Variants in PTPRN2 observed in about 807,000 individuals in gnomAD.
The protein encoded by PTPRN2 is protein tyrosine phosphatase receptor type N2, also known as receptor-type tyrosine-protein phosphatase N2.
A neutral mutation model predicts 118.8 loss-of-function variants in PTPRN2; 74 were observed. The ratio of observed to expected loss-of-function variants is 0.62; its 90% CI spans 0.52 to 0.76. PTPRN2 has a LOEUF of 0.76. PTPRN2 is among the 30% of genes least tolerant of loss of function. The pLI, the probability that PTPRN2 is intolerant of heterozygous loss-of-function variation, is 0.00. For missense variants in PTPRN2, 1,481 were observed against 1,394.4 expected (o/e 1.06, Z -0.99); for synonymous variants, 641 against 608.0 (o/e 1.05, Z -0.80).
intron 1 of PTPRN2, among the ~76,000 whole-genome samples, chr7:158,550,711 C>G (rs761191414): frequency 6.6e-6 from 1 of 152,198 alleles, no homozygotes; most frequent in Non-Finnish European, 1.5e-5. Context: ...GTTTTCTTTT[C>G]AATGTCTAAT....
chr7:157,872,845 G>C (rs1475705234), intron 12 of PTPRN2, among the ~76,000 whole-genome samples: 1 of 152,222 alleles, frequency 6.6e-6, no homozygotes, highest in African/African-American at 2.4e-5. Context: ...GGTGCTTTCT[G>C]TGTGGGCCCT....
chr7:158,395,293 AGGGGTGAGG>A (rs1812275484), intron 2 of PTPRN2, among the ~76,000 whole-genome samples: 2 of 50,678 alleles, frequency 3.9e-5, no homozygotes, highest in African/African-American at 7.5e-5. Context: ...GTGAGGGGTG[AGGGGTGAGG>A]GGCGAGGGGT....
chr7:157,609,982 G>A lies in PTPRN2; in HGVS notation c.2345-5907C>T, dbSNP rs895211175. On this transcript the variant is annotated intron_variant, in intron 15 of 22. Coordinates refer to ENST00000389418, the MANE Select transcript of PTPRN2 (RefSeq NM_002847.5). This position sits in a 1 kb window ranked among gnomAD's most constrained non-coding sequence, Gnocchi z 4.9. ...CATTAATCATGATCTAGAACCTCCC[G>A]TGCCCACCCCACTGCATCTGAGGAA... Among the ~76,000 whole-genome samples, 2 of 152,112 alleles carry A rather than the reference G, an allele frequency of 1.3e-5. No individual in the cohort carries two copies. The highest frequency in any genetic ancestry group is 1.5e-5 in the Non-Finnish European group (1 of 68,036).
chr7:157,661,729 C>G (rs565427638), intron 13 of PTPRN2, among the ~76,000 whole-genome samples: 2 of 152,222 alleles, frequency 1.3e-5, no homozygotes, highest in African/African-American at 4.8e-5. Context: ...TGAAGCCCCC[C>G]ATGCTGCCCC....
intron 12 of PTPRN2, among the ~76,000 whole-genome samples, chr7:157,740,917 ATAT>A (rs1326207168): frequency 6.6e-6 from 1 of 152,210 alleles, no homozygotes; most frequent in Non-Finnish European, 1.5e-5. Flanking sequence ...AAGGGCCAAA[ATAT>A]TATTGGAAAA....
At chr7:158,277,048 G>A (rs2150987281) in intron 3 of PTPRN2, among the ~76,000 whole-genome samples, 2 of 152,328 alleles carry the variant, frequency 1.3e-5, no homozygotes, top group African/African-American at 4.8e-5. Context: ...CCACGGGCAA[G>A]AGTGGCTGAT....
chr7:157,879,474 A>T (rs775476029), intron 12 of PTPRN2, among the ~76,000 whole-genome samples: 13 of 152,190 alleles, frequency 8.5e-5, no homozygotes, highest in South Asian at 6.2e-4. Flanking sequence ...AATCATACAT[A>T]TTTCATTAAG....
At chr7:158,256,961 G>T (rs569288459) in intron 3 of PTPRN2, among the ~76,000 whole-genome samples, 1 of 152,092 alleles carries the variant, frequency 6.6e-6, no homozygotes. Context: ...GCTTTTTGCC[G>T]TCTGGGAGCT....
intron 13 of PTPRN2, among the ~76,000 whole-genome samples, chr7:157,672,603 C>G (rs1318713726): frequency 1.3e-5 from 2 of 152,194 alleles, no homozygotes; most frequent in East Asian, 1.9e-4. Context: ...GCATCATCGT[C>G]TTCACCAAAA....
In PTPRN2 at chr7:158,563,722, G is replaced by C. The variant is rs758256961; in HGVS notation, c.112+23836C>G. 6.6e-6 allele frequency among the ~76,000 whole-genome samples: 1 copy of C among 152,266 alleles called. No individual in the cohort carries two copies. The highest frequency in any genetic ancestry group is 2.1e-4 in the South Asian group (1 of 4,834). ...AGCACTGATGTGTGAGGGGAGAAGA[G>C]AGGGGCCTTCCATCTAGGGGCACAG... On this transcript the variant is annotated intron_variant, in intron 1 of 22. Transcript: ENST00000389418. The surrounding 1 kb of genome is among the most constrained non-coding windows in gnomAD (Gnocchi z 5.1).
chr7:157,626,937 GTAACTCA>G (rs1803618219), intron 14 of PTPRN2, among the ~76,000 whole-genome samples: 1 of 152,200 alleles, frequency 6.6e-6, no homozygotes, highest in Non-Finnish European at 1.5e-5. Flanking sequence ...AAACATCACT[GTAACTCA>G]TGACAGACAG....
intron 11 of PTPRN2, among the ~76,000 whole-genome samples, chr7:157,930,816 T>C (rs1174065018): frequency 6.6e-6 from 1 of 152,210 alleles, no homozygotes; most frequent in Non-Finnish European, 1.5e-5. Context: ...ATGAAATGTA[T>C]ATTTTTATGG....
Position 157,603,928 on chromosome 7 carries a change from C to A in PTPRN2, c.2418+74G>T, listed in dbSNP as rs1801846276. ...GTGGGGACGTGATTTCCCCCGAGAACCTTCCCACGTGATTTGCCGCGTCCG... is the reference window on the plus strand; with the variant it reads ...GTGGGGACGTGATTTCCCCCGAGAAACTTCCCACGTGATTTGCCGCGTCCG... On this transcript the variant is annotated intron_variant, in intron 16 of 22. Coordinates refer to ENST00000389418, the MANE Select transcript of PTPRN2 (RefSeq NM_002847.5). This position sits in a 1 kb window ranked among gnomAD's most constrained non-coding sequence, Gnocchi z 5.4. 2.8e-6 allele frequency: 4 copies of A among 1,423,620 alleles called. No homozygotes were observed. The highest frequency in any genetic ancestry group is 3.9e-6 in the Non-Finnish European group (4 of 1,014,472). The allele number at this position is 1,423,620 out of a possible 1,614,324, so 88.2% of individuals were successfully genotyped here.
At position 158,171,264 on chromosome 7, in the gene PTPRN2, C is replaced by T. The variant is rs1306315856; in HGVS notation, c.550-3973G>A. ...ACACATATATACACACATATATATA[C>T]ACACATATATACACACATATATATA... On this transcript the variant is annotated intron_variant, in intron 5 of 22. Transcript: ENST00000389418. Among the ~76,000 whole-genome samples, 7 of 76,578 alleles carry T rather than the reference C, an allele frequency of 9.1e-5. No homozygotes were observed. The East Asian group carries it at 1.9e-3, about 21-fold the overall frequency. The allele number at this position is 76,578 out of a possible 152,430, so 50.2% of individuals were successfully genotyped here. A position where few individuals can be genotyped will look rare whatever the true frequency, so the allele number is the denominator to read the frequency against.
intron 3 of PTPRN2, among the ~76,000 whole-genome samples, chr7:158,293,378 C>T (rs1040736938): frequency 1.3e-5 from 2 of 151,800 alleles, no homozygotes; most frequent in Admixed American, 1.3e-4. Flanking sequence ...GAATTCAAGA[C>T]CAGCCTGGCC....
intron 3 of PTPRN2, among the ~76,000 whole-genome samples, chr7:158,295,740 C>A (rs1296324838): frequency 6.6e-6 from 1 of 151,590 alleles, no homozygotes; most frequent in African/African-American, 2.4e-5. Context: ...CCTGCTGACC[C>A]TGCCTGTCTG....
rs146868627 is a variant in PTPRN2 at position 158,492,203 on chromosome 7, C to G, written c.113-2418G>C. 3.0e-4 allele frequency among the ~76,000 whole-genome samples: 46 copies of G among 152,318 alleles called. 1 individual carries two copies. The South Asian group carries it at 8.3e-3, about 27-fold the overall frequency. ...GATGTGCTGGAGGTTAGTCCGATGT[C>G]GTGGAACGTCCCTGGTCCCGGCTCT... is the stretch of plus-strand genomic sequence containing the variant. On this transcript the variant is annotated intron_variant, in intron 1 of 22. Coordinates refer to ENST00000389418, the MANE Select transcript of PTPRN2 (RefSeq NM_002847.5).
chr7:158,386,297 C>A (rs1811359305), intron 2 of PTPRN2, among the ~76,000 whole-genome samples: 2 of 137,040 alleles, frequency 1.5e-5, no homozygotes, highest in Non-Finnish European at 3.1e-5. Flanking sequence ...GTCCCTCCTC[C>A]CGTGCCCCGA....
At chr7:157,871,258 T>C (rs1811028125) in intron 12 of PTPRN2, among the ~76,000 whole-genome samples, 1 of 152,304 alleles carries the variant, frequency 6.6e-6, no homozygotes, top group South Asian at 2.1e-4. Flanking sequence ...ACACAGATCC[T>C]TGGGCCCTGC....
Sources: gnomAD v4.1 joint callset for allele counts (sites outside exome capture counted in the v4.1 genomes callset) on GRCh38, gnomAD v4.1.1 for gene constraint, Gnocchi (gnomAD v3.1) non-coding constraint, MANE v1.5 for transcripts, NCBI Gene and HGNC (gene_info 2026-07-23, HGNC 2026-07-21) for gene names.